Variants in LRRTM3 observed in about 807,000 individuals in gnomAD.
LRRTM3 encodes the protein leucine-rich repeat transmembrane neuronal protein 3.
A neutral mutation model predicts 44.7 loss-of-function variants in LRRTM3; 24 were observed. The observed-to-expected ratio is 0.54, with a 90% confidence interval of 0.39 to 0.76. The LOEUF (loss-of-function observed/expected upper bound fraction) is 0.76. Ranked by LOEUF, LRRTM3 falls within the 30% of genes least tolerant of loss-of-function variation. The pLI is 0.00. For synonymous variants in LRRTM3, 277 were observed against 278.7 expected, an observed-to-expected ratio of 0.99 and a Z score of 0.06; for missense variants, 587 against 702.2, an observed-to-expected ratio of 0.84 and a Z score of 1.85.
At chr10:66,936,027 C>A (rs978460811) in intron 2 of LRRTM3, among the ~76,000 whole-genome samples, 1 of 152,108 alleles carries the variant, frequency 6.6e-6, no homozygotes, top group African/African-American at 2.4e-5. Flanking sequence ...GTATAGTGTT[C>A]CTTCCAGCCT....
chr10:66,974,411 T>C (rs1406753299), intron 2 of LRRTM3, among the ~76,000 whole-genome samples: 1 of 152,222 alleles, frequency 6.6e-6, no homozygotes, highest in African/African-American at 2.4e-5. Context: ...TTGGTGTTGA[T>C]GGACATTTAG....
intron 2 of LRRTM3, among the ~76,000 whole-genome samples, chr10:67,087,376 T>C (rs190224222): frequency 6.6e-6 from 1 of 152,070 alleles, no homozygotes; most frequent in Admixed American, 6.6e-5. Flanking sequence ...ATTGTGGAAG[T>C]TATTAGATGA....
Position 66,926,535 on chromosome 10 carries a change from C to G in LRRTM3, c.-49C>G. On this transcript the variant is annotated 5_prime_UTR_variant, in exon 1 of 3. Transcript: ENST00000361320. ...GACAGGGGCTGTCATGCAACTGGCCCCTAAGCCAAAGCAAAAGACCTAAGG... is the reference window on the plus strand; with the variant it reads ...GACAGGGGCTGTCATGCAACTGGCCGCTAAGCCAAAGCAAAAGACCTAAGG... 6.2e-7 allele frequency: 1 copy of G among 1,612,232 alleles called. No individual in the cohort carries two copies.
In LRRTM3 at chr10:66,935,610, C is replaced by T. The variant is rs10997446; in HGVS notation, c.1536+7158C>T. On this transcript the variant is annotated intron_variant, in intron 2 of 2. Transcript: ENST00000361320. ...ACGTATTTGTATTTCCACCAAGGTACGTATGTTGTACATGCCTAAAAAAAT... is the reference window on the plus strand; with the variant it reads ...ACGTATTTGTATTTCCACCAAGGTATGTATGTTGTACATGCCTAAAAAAAT... 0.02 allele frequency among the ~76,000 whole-genome samples: 3,060 copies of T among 151,798 alleles called. 213 individuals carry two copies. The East Asian group carries it at 0.26, about 13-fold the overall frequency.
rs571097647 is a variant in LRRTM3 at position 66,960,921 on chromosome 10, T to G, written c.1536+32469T>G. ...CCTAAAATGGGAATGGTTCTTAAGT[T>G]TTTTTGCTAAGGACTACTAGTTAAT... is the stretch of plus-strand genomic sequence containing the variant. On this transcript the variant is annotated intron_variant, in intron 2 of 2. Transcript: ENST00000361320. Among the ~76,000 whole-genome samples the G allele has an allele frequency of 3.9e-5, 6 of 152,254 alleles. No individual in the cohort carries two copies. The South Asian group carries it at 1.2e-3, about 32-fold the overall frequency.
At chr10:67,061,568 A>C (rs1184498916) in intron 2 of LRRTM3, among the ~76,000 whole-genome samples, 5 of 152,170 alleles carry the variant, frequency 3.3e-5, no homozygotes, top group Non-Finnish European at 7.4e-5. Context: ...AAAAATGAAT[A>C]TAAGGGCCAA....
intron 2 of LRRTM3, among the ~76,000 whole-genome samples, chr10:67,037,797 AC>A (rs754184509): frequency 9.8e-5 from 15 of 152,320 alleles, no homozygotes; most frequent in Non-Finnish European, 2.1e-4. Context: ...GATGGTAGTT[AC>A]AGTCAGTGAG....
intron 2 of LRRTM3, among the ~76,000 whole-genome samples, chr10:66,947,134 G>A (rs1433510998): frequency 6.6e-6 from 1 of 151,866 alleles, no homozygotes; most frequent in Non-Finnish European, 1.5e-5. Context: ...TCTAATGATT[G>A]TATTAGAAAA....
intron 2 of LRRTM3, among the ~76,000 whole-genome samples, chr10:66,959,384 A>C (rs1041066184): frequency 3.3e-5 from 5 of 152,202 alleles, no homozygotes; most frequent in Non-Finnish European, 5.9e-5. Context: ...CCCAGTAAAA[A>C]TAATGAGATG....
At chr10:67,010,773 C>T (rs763806388) in intron 2 of LRRTM3, among the ~76,000 whole-genome samples, 1 of 152,188 alleles carries the variant, frequency 6.6e-6, no homozygotes, top group Non-Finnish European at 1.5e-5. Flanking sequence ...TGCTGAACTC[C>T]TCCACAGAAA....
Position 67,074,403 on chromosome 10 carries a change from T to G in LRRTM3, c.1537-23184T>G, listed in dbSNP as rs550828084. ...TCTCGCTCTGTCGCCCAGGCTGAAG[T>G]GCAGTGGCACGATCTCGGCTCACTG... On this transcript the variant is annotated intron_variant, in intron 2 of 2. Transcript: ENST00000361320. Among the ~76,000 whole-genome samples the G allele has an allele frequency of 1.4e-4, 19 of 132,028 alleles. No individual in the cohort carries two copies. In the South Asian group the frequency reaches 4.8e-3, roughly 33 times the overall value. 86.6% of individuals were successfully genotyped at this position (132,028 alleles called of 152,430 possible). A position where few individuals can be genotyped will look rare whatever the true frequency, so the allele number is the denominator to read the frequency against.
intron 2 of LRRTM3, among the ~76,000 whole-genome samples, chr10:67,076,887 C>G (rs1856775933): frequency 6.6e-6 from 1 of 152,170 alleles, no homozygotes; most frequent in South Asian, 2.1e-4. Flanking sequence ...CTCTTGAGCT[C>G]TAGAATTGAA....
intron 2 of LRRTM3, among the ~76,000 whole-genome samples, chr10:66,990,675 A>T (rs1332684916): frequency 6.6e-6 from 1 of 152,208 alleles, no homozygotes; most frequent in Non-Finnish European, 1.5e-5. Context: ...TCTCTACACC[A>T]TGTGGATAAT....
chr10:67,063,655 G>A (rs1855895184), intron 2 of LRRTM3, among the ~76,000 whole-genome samples: 2 of 152,162 alleles, frequency 1.3e-5, no homozygotes, highest in African/African-American at 4.8e-5. Context: ...GTGCTCTTTC[G>A]AGAATAAATA....
chr10:67,047,525 CAT>C (rs1319220673), intron 2 of LRRTM3, among the ~76,000 whole-genome samples: 11 of 152,238 alleles, frequency 7.2e-5, no homozygotes, highest in Non-Finnish European at 1.2e-4. Context: ...GAGGCAGAAA[CAT>C]GTGTGCTTCT....
chr10:66,978,552 A>AAATATATATATATATATATATATAT, intron 2 of LRRTM3, among the ~76,000 whole-genome samples: 1 of 37,864 alleles, frequency 2.6e-5, no homozygotes, highest in African/African-American at 8.7e-5. Flanking sequence ...AAAAAAAAAA[A>AAATATATATATATATATATATATAT]ATATATATAT....
intron 2 of LRRTM3, among the ~76,000 whole-genome samples, chr10:66,997,848 C>T (rs975696703): frequency 2.0e-5 from 3 of 152,120 alleles, no homozygotes; most frequent in Non-Finnish European, 4.4e-5. Flanking sequence ...CAGAAGCCTA[C>T]AGTCATCCAT....
chr10:67,025,550 C>T (rs1853318794), intron 2 of LRRTM3, among the ~76,000 whole-genome samples: 2 of 151,956 alleles, frequency 1.3e-5, no homozygotes, highest in Admixed American at 6.6e-5. Flanking sequence ...TATTTTGCAT[C>T]TTGTTATTTG....
intron 2 of LRRTM3, among the ~76,000 whole-genome samples, chr10:67,066,867 T>C (rs1263812178): frequency 6.6e-6 from 1 of 152,238 alleles, no homozygotes; most frequent in East Asian, 1.9e-4. Flanking sequence ...GCCTTTAATT[T>C]AATTTTAAAA....
Sources: allele counts gnomAD v4.1 joint callset (sites outside exome capture counted in the v4.1 genomes callset), GRCh38; gene constraint gnomAD v4.1.1; transcripts MANE v1.5; gene names NCBI Gene and HGNC (gene_info 2026-07-23, HGNC 2026-07-21).